KANK1: variants seen among roughly 807,000 people sequenced by gnomAD.
KANK1 encodes KN motif and ankyrin repeat domains 1.
In KANK1, 109 loss-of-function variants were observed where a neutral mutation model predicts 106.2. The ratio of observed to expected loss-of-function variants is 1.03; its 90% CI spans 0.88 to 1.20. The LOEUF (loss-of-function observed/expected upper bound fraction) is 1.20, where lower values mean the gene tolerates loss of function less well. KANK1 is among the 50% of genes most tolerant of loss of function. The probability of loss-of-function intolerance (pLI) is 0.00; values close to 1 mark genes in which losing one functional copy is unlikely to be tolerated. For missense variants in KANK1, 2,399 were observed against 1,710.7 expected (o/e 1.40, Z -7.10); for synonymous variants, 873 against 652.2 (o/e 1.34, Z -5.16).
At chr9:740,675 G>A in intron 8 of KANK1, 117 bp from the exon 9 acceptor site, 1 of 1,154,132 alleles carries the variant, frequency 8.7e-7, no homozygotes, top group Non-Finnish European at 1.2e-6. Context: ...TTGGTCTCCA[G>A]CCACCTGGTA....
chr9:502,233 G>A (rs1284359920), upstream of KANK1, among the ~76,000 whole-genome samples: 1 of 7,726 alleles, frequency 1.3e-4, no homozygotes, highest in East Asian at 4.1e-3. Flanking sequence ...GTTTCTTACT[G>A]GGATGTCAAT....
chr9:573,409 A>G (rs1027371515), intron 1 of KANK1, among the ~76,000 whole-genome samples: 1 of 152,182 alleles, frequency 6.6e-6, no homozygotes, highest in Admixed American at 6.5e-5. Context: ...AGCTGGGACT[A>G]CAGGTGCCCG....
chr9:735,048 C>G (rs181181483), intron 7 of KANK1, among the ~76,000 whole-genome samples: 1 of 152,308 alleles, frequency 6.6e-6, no homozygotes, highest in Admixed American at 6.5e-5. Context: ...ACATCCTTTA[C>G]CCACCCTGGA....
intron 3 of KANK1, among the ~76,000 whole-genome samples, chr9:475,005 G>A (rs924880539): frequency 6.6e-6 from 1 of 152,068 alleles, no homozygotes; most frequent in Non-Finnish European, 1.5e-5. Context: ...ATCAGGTGAT[G>A]GTCACATGGT....
chr9:511,722 G>C (rs942981178), intron 1 of KANK1, among the ~76,000 whole-genome samples: 1 of 152,018 alleles, frequency 6.6e-6, no homozygotes, highest in Non-Finnish European at 1.5e-5. Flanking sequence ...AACAACAAAG[G>C]GTTTAAAATA....
chr9:488,308 G>A lies in KANK1; in HGVS notation c.-362+15035G>A, dbSNP rs150189054. On this transcript the variant is annotated intron_variant, in intron 3 of 15. Coordinates refer to the KANK1 transcript ENST00000382303. Reference sequence around the variant, plus strand: ...GGCTCAAAGAGGAGAGGAGGATGGAGCTTCTGGAGAAGGAAAGGCTTTGGA... The same window carrying A: ...GGCTCAAAGAGGAGAGGAGGATGGAACTTCTGGAGAAGGAAAGGCTTTGGA... Among the ~76,000 whole-genome samples, 109 of 152,270 alleles carry A rather than the reference G, an allele frequency of 7.2e-4. 2 individuals carry two copies. Among genetic ancestry groups the A allele is most frequent in the African/African-American group, 2.4e-3 (98 of 41,566 alleles).
chr9:710,910 T>A lies in KANK1; in HGVS notation c.144T>A (p.Tyr48Ter). ...GYQLDLDFLKYVDDIQKGNTI... is the reference protein window; with the variant it reads ...GYQLDLDFLK Reference sequence around the variant, plus strand: ...AACTAGACTTAGATTTCCTCAAATATGTGGATGACATACAGAAGGGAAATA... The same window carrying A: ...AACTAGACTTAGATTTCCTCAAATAAGTGGATGACATACAGAAGGGAAATA... Residue 48 changes from tyrosine (Y) to a stop codon, truncating the protein, a stop_gained, in exon 3 of 12, where the codon TAT becomes TAA. Transcript: ENST00000382297. LOFTEE classifies it high-confidence loss of function. 1 of 1,614,150 alleles carries A rather than the reference T, an allele frequency of 6.2e-7. No homozygotes were observed. Among genetic ancestry groups the A allele is most frequent in the Non-Finnish European group, 8.5e-7 (1 of 1,180,008 alleles).
In KANK1 at chr9:708,153, A is replaced by G. The variant is rs3891451; in HGVS notation, c.38-2651A>G. Among the ~76,000 whole-genome samples the G allele has an allele frequency of 5.7e-4, 21 of 36,840 alleles. 6 individuals are homozygous for G. The highest frequency in any genetic ancestry group is 5.6e-4 in the African/African-American group (5 of 8,866). The allele number at this position is 36,840 out of a possible 152,430, so 24.2% of individuals were successfully genotyped here. The stretch of plus-strand genomic sequence containing the variant: ...CTGCAGCTTCTCTCCTGTTAATGGA[A>G]TTTCAGACAGTCCTGGAGACAGGTC... On this transcript the variant is annotated intron_variant, in intron 2 of 11. Transcript: ENST00000382297.
At chr9:735,689 C>A in intron 7 of KANK1, 1 of 388,660 alleles carries the variant, frequency 2.6e-6, no homozygotes, top group Non-Finnish European at 5.6e-6. Flanking sequence ...TAAATCATTT[C>A]TATATCATAA....
At chr9:587,989 C>G (rs1823918381) in intron 1 of KANK1, among the ~76,000 whole-genome samples, 1 of 151,998 alleles carries the variant, frequency 6.6e-6, no homozygotes, top group African/African-American at 2.4e-5. Flanking sequence ...TTGCTTGAAC[C>G]TGGGAGGCAG....
At chr9:536,057 G>T (rs1034225351) in intron 1 of KANK1, among the ~76,000 whole-genome samples, 1 of 152,144 alleles carries the variant, frequency 6.6e-6, no homozygotes, top group South Asian at 2.1e-4. Context: ...AACAGCACGT[G>T]TGGGGCGCGG....
intron 2 of KANK1, chr9:684,405 G>GAA: frequency 1.0e-5 from 10 of 985,214 alleles, no homozygotes; most frequent in Non-Finnish European, 1.2e-5. Context: ...AAGAAAGAAA[G>GAA]AAAAAAACAC....
At chr9:621,419 C>T (rs1833115950) in intron 1 of KANK1, among the ~76,000 whole-genome samples, 1 of 152,018 alleles carries the variant, frequency 6.6e-6, no homozygotes, top group African/African-American at 2.4e-5. Flanking sequence ...TGTGGAAATT[C>T]TCATGTCATC....
intron 1 of KANK1, among the ~76,000 whole-genome samples, chr9:560,791 G>GAC (rs1816214096): frequency 6.6e-6 from 1 of 151,134 alleles, no homozygotes; most frequent in Admixed American, 6.6e-5. Flanking sequence ...AAAAAAAAAA[G>GAC]GCTGCAAAAA....
rs568734704 is a variant in KANK1, at chr9:732,061, G to C, written c.3006-317G>C. The C allele has an allele frequency of 2.6e-5, 5 of 191,930 alleles. No individual in the cohort carries two copies. In the East Asian group the frequency reaches 3.8e-4, roughly 15 times the overall value. The allele number at this position is 191,930 out of a possible 1,614,324, so 11.9% of individuals were successfully genotyped here. The stretch of plus-strand genomic sequence containing the variant: ...ATAGGAAGACATGGGGTGGGGGGGG[G>C]ACAAAAAGCACCTACCGATCTGTTT... On this transcript the variant is annotated intron_variant, in intron 5 of 11. Coordinates refer to ENST00000382297, the MANE Select transcript of KANK1 (RefSeq NM_015158.5).
chr9:475,881 C>T (rs1222955872), intron 3 of KANK1, among the ~76,000 whole-genome samples: 1 of 151,920 alleles, frequency 6.6e-6, no homozygotes, highest in Non-Finnish European at 1.5e-5. Flanking sequence ...GAAACAGAGT[C>T]TCACTCTGTT....
At position 535,428 on chromosome 9, in the gene KANK1, G is replaced by C. The variant is rs569127485; in HGVS notation, c.-84+30674G>C. Reference sequence around the variant, plus strand: ...TTCTTTCTCTCCAGATAGAGAAATAGCTCACATTTTTGGTGCCTACTCTGT... The same window carrying C: ...TTCTTTCTCTCCAGATAGAGAAATACCTCACATTTTTGGTGCCTACTCTGT... On this transcript the variant is annotated intron_variant, in intron 1 of 11. Coordinates refer to ENST00000382297, the MANE Select transcript of KANK1 (RefSeq NM_015158.5). Among the ~76,000 whole-genome samples, 8 of 152,274 alleles carry C rather than the reference G, an allele frequency of 5.3e-5. No individual in the cohort carries two copies. In the South Asian group the frequency reaches 1.7e-3, roughly 32 times the overall value.
chr9:659,519 T>C (rs1186028756), intron 1 of KANK1, among the ~76,000 whole-genome samples: 1 of 152,188 alleles, frequency 6.6e-6, no homozygotes, highest in Non-Finnish European at 1.5e-5. Flanking sequence ...TGTATTAGTC[T>C]GTTCTTGTAC....
chr9:544,600 C>T (rs908228774), intron 1 of KANK1, among the ~76,000 whole-genome samples: 5 of 152,128 alleles, frequency 3.3e-5, no homozygotes, highest in Admixed American at 3.3e-4. Context: ...GGGAACCAGA[C>T]AGATATGCAG....
Sources: gnomAD v4.1 joint callset for allele counts (sites outside exome capture counted in the v4.1 genomes callset) on GRCh38, gnomAD v4.1.1 for gene constraint, MANE v1.5 for transcripts, NCBI Gene and HGNC (gene_info 2026-07-23, HGNC 2026-07-21) for gene names.